Variants in GALK2 observed in about 807,000 individuals in gnomAD.
GALK2 encodes N-acetylgalactosamine kinase.
Under a neutral mutation model 52.4 loss-of-function variants are expected in GALK2, and 36 were observed. The ratio of observed to expected loss-of-function variants is 0.69; its 90% CI spans 0.53 to 0.91. The LOEUF is 0.91. GALK2 is among the 40% of genes least tolerant of loss of function. The pLI is 0.00. For missense variants in GALK2, 579 were observed against 559.1 expected, an observed-to-expected ratio of 1.04 and a Z score of -0.36; for synonymous variants, 176 against 199.1, an observed-to-expected ratio of 0.88 and a Z score of 0.98.
downstream of GALK2, among the ~76,000 whole-genome samples, chr15:49,336,653 A>T (rs945603351): frequency 1.3e-5 from 2 of 152,102 alleles, no homozygotes; most frequent in African/African-American, 4.8e-5. Context: ...ATTTTATTCA[A>T]TTTATTTAAA....
At position 49,365,434 on chromosome 15, in the gene GALK2, G is replaced by A. The variant is rs142049446; in HGVS notation, c.427-2057G>A. The A allele has an allele frequency of 1.8e-3, 1,737 of 944,638 alleles. 34 individuals are homozygous for A. In the South Asian group the frequency reaches 0.02, roughly 11 times the overall value. The allele number at this position is 944,638 out of a possible 1,614,324, so 58.5% of individuals were successfully genotyped here. On this transcript the variant is annotated intron_variant, in intron 3 of 3. Transcript: ENST00000558399. ...CTCTTCTACAGTACGCAAGCAACAG[G>A]CCTGTACAATAATGTCTCCAAAGCC...
chr15:49,341,296 A>G (rs1484677896), intron 3 of GALK2, among the ~76,000 whole-genome samples: 1 of 152,136 alleles, frequency 6.6e-6, no homozygotes, highest in Non-Finnish European at 1.5e-5. Context: ...GAAAAATTAC[A>G]TTGGTAATTG....
intron 1 of GALK2, among the ~76,000 whole-genome samples, chr15:49,182,311 G>T (rs1042321755): frequency 2.6e-5 from 4 of 152,196 alleles, no homozygotes; most frequent in Non-Finnish European, 5.9e-5. Context: ...CCATGTTGCT[G>T]CAAATGACAG....
intron 5 of GALK2, among the ~76,000 whole-genome samples, chr15:49,250,034 G>A (rs2091521429): frequency 6.6e-6 from 1 of 152,182 alleles, no homozygotes; most frequent in African/African-American, 2.4e-5. Context: ...CATAGCAGTA[G>A]GGTGGACGCG....
intron 7 of GALK2, among the ~76,000 whole-genome samples, chr15:49,284,921 A>G (rs1461604122): frequency 6.6e-6 from 1 of 152,144 alleles, no homozygotes; most frequent in Non-Finnish European, 1.5e-5. Flanking sequence ...AATCCTTTCT[A>G]TCAGACTCCA....
At chr15:49,235,829 A>G (rs367799656) in intron 3 of GALK2, 22 bp from the exon 4 acceptor site, 4 of 1,537,948 alleles carry the variant, frequency 2.6e-6, no homozygotes, top group Non-Finnish European at 3.6e-6. Context: ...TTTTAAATTA[A>G]TGGTGTCTTT....
chr15:49,246,329 A>G (rs2091350501), intron 5 of GALK2, among the ~76,000 whole-genome samples: 9 of 152,162 alleles, frequency 5.9e-5, no homozygotes, highest in Admixed American at 5.9e-4. Flanking sequence ...CTTGGGTAGT[A>G]AGGTGTGTTA....
intron 1 of GALK2, among the ~76,000 whole-genome samples, chr15:49,170,900 G>T (rs915598346): frequency 2.0e-5 from 3 of 151,964 alleles, no homozygotes; most frequent in Non-Finnish European, 4.4e-5. Flanking sequence ...GTGATGTCTC[G>T]GGGAGGATCT....
intron 1 of GALK2, among the ~76,000 whole-genome samples, chr15:49,195,669 G>C (rs965000586): frequency 3.3e-5 from 5 of 152,118 alleles, no homozygotes; most frequent in Admixed American, 6.5e-5. Flanking sequence ...AAGGCTTTCT[G>C]GGGGAGCATG....
intron 7 of GALK2, 132 bp downstream of exon 7, chr15:49,283,850 G>A (rs1487590449): frequency 2.3e-6 from 2 of 859,828 alleles, no homozygotes; most frequent in Non-Finnish European, 3.6e-6. Flanking sequence ...CCAACTGAAG[G>A]TCTTTGGGTA....
In GALK2 at chr15:49,190,123, G is replaced by A. The variant is rs2086624555; in HGVS notation, c.54-11039G>A. Among the ~76,000 whole-genome samples, 2 of 152,196 alleles carry A rather than the reference G, an allele frequency of 1.3e-5. 1 individual carries two copies. Among genetic ancestry groups the A allele is most frequent in the South Asian group, 4.2e-4 (2 of 4,818 alleles). Reference sequence around the variant, plus strand: ...GGAAAATTGTGAAAAACTTCGAAATGGACCAAAAGATTATCAGGTATCTTC... The same window carrying A: ...GGAAAATTGTGAAAAACTTCGAAATAGACCAAAAGATTATCAGGTATCTTC... On this transcript the variant is annotated intron_variant, in intron 1 of 9. Coordinates refer to ENST00000560031, the MANE Select transcript of GALK2 (RefSeq NM_002044.4).
intron 7 of GALK2, among the ~76,000 whole-genome samples, chr15:49,287,254 C>T (rs1757245193): frequency 6.6e-6 from 1 of 152,138 alleles, no homozygotes; most frequent in Non-Finnish European, 1.5e-5. Flanking sequence ...CTACACACTC[C>T]TCCCAATTGA....
At chr15:49,239,993 C>T (rs949756637) in intron 5 of GALK2, among the ~76,000 whole-genome samples, 2 of 152,136 alleles carry the variant, frequency 1.3e-5, no homozygotes, top group African/African-American at 4.8e-5. Flanking sequence ...GTTCTTTTTA[C>T]CCCATGTACA....
intron 1 of GALK2, 146 bp downstream of exon 1, chr15:49,170,521 C>G: frequency 1.4e-6 from 1 of 715,226 alleles, no homozygotes. Flanking sequence ...GGACACGTGG[C>G]TGGGCTTGCA....
chr15:49,212,097 T>A (rs1419642706), intron 2 of GALK2, among the ~76,000 whole-genome samples: 1 of 152,220 alleles, frequency 6.6e-6, no homozygotes, highest in Non-Finnish European at 1.5e-5. Flanking sequence ...TTTTTTACTT[T>A]TTCTTTTTTG....
At chr15:49,334,675 A>G (rs1340136941), downstream of GALK2, among the ~76,000 whole-genome samples, 4 of 152,176 alleles carry the variant, frequency 2.6e-5, no homozygotes, top group African/African-American at 9.7e-5. Flanking sequence ...GCAGGGGCGC[A>G]GGCTTTTAGA....
chr15:49,344,662 G>A (rs1038879216), intron 3 of GALK2, among the ~76,000 whole-genome samples: 1 of 152,138 alleles, frequency 6.6e-6, no homozygotes, highest in African/African-American at 2.4e-5. Context: ...TAGAGGTGGT[G>A]GTCCTGCTCA....
chr15:49,252,121 G>T (rs1952095355), intron 5 of GALK2, among the ~76,000 whole-genome samples: 2 of 152,094 alleles, frequency 1.3e-5, no homozygotes, highest in Non-Finnish European at 2.9e-5. Flanking sequence ...CAAAAAATTA[G>T]CTGGGTATGA....
intron 3 of GALK2, among the ~76,000 whole-genome samples, chr15:49,345,406 G>A (rs1162701085): frequency 6.6e-6 from 1 of 152,116 alleles, no homozygotes; most frequent in Non-Finnish European, 1.5e-5. Flanking sequence ...GCATTTTCTT[G>A]TACAACTCAG....
Sources: gnomAD v4.1 joint callset for allele counts (sites outside exome capture counted in the v4.1 genomes callset) on GRCh38, gnomAD v4.1.1 for gene constraint, MANE v1.5 for transcripts, NCBI Gene and HGNC (gene_info 2026-07-23, HGNC 2026-07-21) for gene names.